The following FAM185A variants were observed in gnomAD, a reference collection of about 807,000 sequenced individuals.
The protein encoded by FAM185A is protein FAM185A.
Under a neutral mutation model 45.7 loss-of-function variants are expected in FAM185A, and 21 were observed. That is an observed-to-expected ratio of 0.46 (90% CI 0.33 to 0.66). The LOEUF (loss-of-function observed/expected upper bound fraction) is 0.66, where lower values mean the gene tolerates loss of function less well. FAM185A is among the 30% of genes least tolerant of loss of function. The pLI, the probability that FAM185A is intolerant of heterozygous loss-of-function variation, is 0.03. For missense variants in FAM185A, 305 were observed against 485.4 expected, an observed-to-expected ratio of 0.63 and a Z score of 3.49; for synonymous variants, 117 against 194.0, an observed-to-expected ratio of 0.60 and a Z score of 3.30.
chr7:102,830,874 T>C, the FAM185A span, among the ~76,000 whole-genome samples: 1 of 152,248 alleles, frequency 6.6e-6, no homozygotes, highest in African/African-American at 2.4e-5. Context: ...ACTCCAAGTT[T>C]TTCCTGTTAA....
chr7:102,781,796 A>G lies in FAM185A; in HGVS notation c.931+4448A>G, dbSNP rs187672525. Among the ~76,000 whole-genome samples, 252 of 152,322 alleles carry G rather than the reference A, an allele frequency of 1.7e-3. 1 individual carries two copies. Among genetic ancestry groups the G allele is most frequent in the Non-Finnish European group, 2.4e-3 (160 of 68,026 alleles). On this transcript the variant is annotated intron_variant, in intron 6 of 7. Transcript: ENST00000413034. Reference sequence around the variant, plus strand: ...GCGGCTCCTCACCAGTAACGGAACAAAGCTGGATGGAGAATGACTTTGACG... The same window carrying G: ...GCGGCTCCTCACCAGTAACGGAACAGAGCTGGATGGAGAATGACTTTGACG...
intron 7 of FAM185A, among the ~76,000 whole-genome samples, chr7:102,788,081 C>T (rs1795926130): frequency 6.6e-6 from 1 of 152,130 alleles, no homozygotes; most frequent in Non-Finnish European, 1.5e-5. Flanking sequence ...TCTGTTGCCT[C>T]ACCCTCCTGA....
chr7:102,761,440 A>G, intron 4 of FAM185A, 29 bp downstream of exon 4: 1 of 1,445,458 alleles, frequency 6.9e-7, no homozygotes. Context: ...AATACATCTG[A>G]GACTTTCCAC....
intron 1 of FAM185A, among the ~76,000 whole-genome samples, chr7:102,750,369 A>G (rs1240328237): frequency 6.6e-6 from 1 of 152,206 alleles, no homozygotes; most frequent in Admixed American, 6.5e-5. Flanking sequence ...TAGTAATAAT[A>G]ATAGCATTTA....
chr7:102,835,666 G>A, the FAM185A span, among the ~76,000 whole-genome samples: 2 of 107,994 alleles, frequency 1.9e-5, no homozygotes, highest in Non-Finnish European at 3.3e-5. Context: ...CTGGAGTGCA[G>A]TGGCGCAATC....
downstream of FAM185A, among the ~76,000 whole-genome samples, chr7:102,813,785 A>G (rs1797622685): frequency 6.6e-6 from 1 of 152,190 alleles, no homozygotes; most frequent in African/African-American, 2.4e-5. Flanking sequence ...ACACATGGCC[A>G]TGGAAGAGGA....
At chr7:102,845,197 G>A in the FAM185A span, among the ~76,000 whole-genome samples, 2 of 152,014 alleles carry the variant, frequency 1.3e-5, no homozygotes, top group South Asian at 2.1e-4. Flanking sequence ...GATTCTAATC[G>A]TGGCCTGGCC....
the FAM185A span, among the ~76,000 whole-genome samples, chr7:102,820,621 C>T: frequency 6.6e-6 from 1 of 152,184 alleles, no homozygotes. Context: ...TTTTGTGTTG[C>T]CATAACAGAC....
At chr7:102,814,635 T>C in the FAM185A span, among the ~76,000 whole-genome samples, 1 of 152,370 alleles carries the variant, frequency 6.6e-6, no homozygotes, top group East Asian at 1.9e-4. Flanking sequence ...ACAAAACTTC[T>C]ACAAACTTAA....
chr7:102,754,606 T>C (rs1793582598), intron 2 of FAM185A, among the ~76,000 whole-genome samples: 2 of 152,266 alleles, frequency 1.3e-5, no homozygotes, highest in South Asian at 4.1e-4. Context: ...AGGAAGAAAC[T>C]AGAAGGCACC....
chr7:102,834,115 AAAGAAAGAAAGAAAGAAAG>A, the FAM185A span, among the ~76,000 whole-genome samples: 34 of 116,020 alleles, frequency 2.9e-4, 2 homozygotes, highest in African/African-American at 9.4e-4. Flanking sequence ...AGAAAGAAAG[AAAGAAAGAAAGAAAGAAAG>A]AAAGAAAAGA....
At chr7:102,750,509 A>AT (rs1793299723) in intron 1 of FAM185A, among the ~76,000 whole-genome samples, 1 of 152,216 alleles carries the variant, frequency 6.6e-6, no homozygotes, top group African/African-American at 2.4e-5. Context: ...ATATTAAGAT[A>AT]TTTTGACAGA....
At position 102,805,895 on chromosome 7, in the gene FAM185A, C is replaced by G. The variant is rs577687141; in HGVS notation, c.1067-2395C>G. ...GAAGCTTTATCTAAAAATTTGGGAT[C>G]CGCAGAAAAGAATGTTAGTTCTGGC... On this transcript the variant is annotated intron_variant, in intron 7 of 7. Transcript: ENST00000413034. Among the ~76,000 whole-genome samples, 256 of 152,160 alleles carry G rather than the reference C, an allele frequency of 1.7e-3. 1 individual carries two copies. The highest frequency in any genetic ancestry group is 5.7e-3 in the African/African-American group (236 of 41,512).
the FAM185A span, among the ~76,000 whole-genome samples, chr7:102,841,496 T>C: frequency 6.6e-6 from 1 of 152,210 alleles, no homozygotes; most frequent in African/African-American, 2.4e-5. Flanking sequence ...AAGCCAGGAC[T>C]GGTGTGGGGT....
chr7:102,823,947 T>C, the FAM185A span, among the ~76,000 whole-genome samples: 1 of 151,864 alleles, frequency 6.6e-6, no homozygotes, highest in East Asian at 1.9e-4. Context: ...CTGATGTCAT[T>C]GATAAAAGAA....
chr7:102,771,290 C>T (rs1173973757), intron 4 of FAM185A, among the ~76,000 whole-genome samples: 4 of 151,762 alleles, frequency 2.6e-5, no homozygotes, highest in Non-Finnish European at 5.9e-5. Context: ...TCATTTGTAC[C>T]CCAGACTTCA....
intron 6 of FAM185A, among the ~76,000 whole-genome samples, chr7:102,777,781 AG>A (rs1166764608): frequency 6.6e-6 from 1 of 152,022 alleles, no homozygotes; most frequent in African/African-American, 2.4e-5. Context: ...CCTTAAATAA[AG>A]GTATCACACA....
chr7:102,781,794 C>A (rs1006249366), intron 6 of FAM185A, among the ~76,000 whole-genome samples: 1 of 152,140 alleles, frequency 6.6e-6, no homozygotes, highest in Non-Finnish European at 1.5e-5. Context: ...AGTAACGGAA[C>A]AAAGCTGGAT....
chr7:102,786,851 T>C (rs1795837282), intron 6 of FAM185A, among the ~76,000 whole-genome samples: 1 of 151,732 alleles, frequency 6.6e-6, no homozygotes, highest in Non-Finnish European at 1.5e-5. Context: ...ACATGGGCTT[T>C]GTAATTATTG....
Sources: gnomAD v4.1 joint callset for allele counts (sites outside exome capture counted in the v4.1 genomes callset) on GRCh38, gnomAD v4.1.1 for gene constraint, MANE v1.5 for transcripts, NCBI Gene and HGNC (gene_info 2026-07-23, HGNC 2026-07-21) for gene names.